FOXN2: variants seen among roughly 807,000 people sequenced by gnomAD.
FOXN2 encodes the protein forkhead box N2.
Under a neutral mutation model 41.2 loss-of-function variants are expected in FOXN2, and 19 were observed. The ratio of observed to expected loss-of-function variants is 0.46; its 90% CI spans 0.32 to 0.68. The LOEUF is 0.68. Among genes scored for constraint, FOXN2 ranks in the 30% least tolerant of loss-of-function variants. FOXN2 has a pLI of 0.03. For missense variants in FOXN2, 587 were observed against 509.4 expected (o/e 1.15, Z -1.47); for synonymous variants, 195 against 176.8 (o/e 1.10, Z -0.82).
At chr2:48,344,507 C>G (rs1381689978) in intron 2 of FOXN2, among the ~76,000 whole-genome samples, 1 of 152,186 alleles carries the variant, frequency 6.6e-6, no homozygotes, top group Non-Finnish European at 1.5e-5. Context: ...CGCTTAACCT[C>G]TCTGATTAAT....
chr2:48,334,601 C>G (rs1572713981), intron 2 of FOXN2, among the ~76,000 whole-genome samples: 1 of 152,168 alleles, frequency 6.6e-6, no homozygotes, highest in Non-Finnish European at 1.5e-5. Flanking sequence ...CATCAGTGCT[C>G]TGGCGCAAAG....
rs1355313890 is a variant in FOXN2 at position 48,374,998 on chromosome 2, T to G, written c.851T>G (p.Val284Gly). The part of the protein sequence containing the change: ...YGNAFHHPSA[V>G]RLQESDSLAT... ...AATGCATTTCATCATCCCAGTGCTG[T>G]ACGATTACAAGAGAGTGATTCTTTA... The change falls in exon 7 of 7, where the codon GTA becomes GGA. Residue 284 changes from valine (V) to glycine (G), a missense_variant. Val to Gly is a moderately radical substitution (Grantham distance 109). Coordinates refer to ENST00000340553, the MANE Select transcript of FOXN2 (RefSeq NM_002158.4). 6.2e-7 allele frequency: 1 copy of G among 1,613,892 alleles called. No homozygotes were observed. Among genetic ancestry groups the G allele is most frequent in the African/African-American group, 1.3e-5 (1 of 74,910 alleles).
Position 48,378,355 on chromosome 2 carries a change from C to T in FOXN2, c.*2912C>T. On this transcript the variant is annotated 3_prime_UTR_variant, in exon 7 of 7. Coordinates refer to ENST00000340553, the MANE Select transcript of FOXN2 (RefSeq NM_002158.4). ...GCATGACTTCTTTTAACTTGGATTC[C>T]TTTGTATATAGTAAAGTTTAGTATA... is the stretch of plus-strand genomic sequence containing the variant. The T allele has an allele frequency of 6.6e-6, 1 of 151,554 alleles. No homozygotes were observed. Among genetic ancestry groups the T allele is most frequent in the Non-Finnish European group, 1.5e-5 (1 of 67,814 alleles). The allele number at this position is 151,554 out of a possible 1,614,324, so 9.4% of individuals were successfully genotyped here.
intron 1 of FOXN2, among the ~76,000 whole-genome samples, chr2:48,326,569 C>A (rs1016785868): frequency 6.6e-6 from 1 of 152,180 alleles, no homozygotes; most frequent in Non-Finnish European, 1.5e-5. Flanking sequence ...GTGCAGAACA[C>A]ACCATAGGGG....
chr2:48,336,258 A>C (rs1670342948), intron 2 of FOXN2, among the ~76,000 whole-genome samples: 1 of 151,424 alleles, frequency 6.6e-6, no homozygotes, highest in South Asian at 2.1e-4. Context: ...ATTTTTTTAA[A>C]AAAGCCGGGT....
intron 1 of FOXN2, among the ~76,000 whole-genome samples, chr2:48,317,465 T>C (rs767681683): frequency 1.3e-5 from 2 of 151,848 alleles, no homozygotes; most frequent in African/African-American, 4.8e-5. Flanking sequence ...AAAAAATTTT[T>C]TTTTTGAAGG....
rs1281884188 is a variant in FOXN2, at chr2:48,378,600, C to T, written c.*3157C>T. The stretch of plus-strand genomic sequence containing the variant: ...ACCATTGTCTTAAATACTACAACAA[C>T]TTAACACCCTTTTGTGAAGATCACA... On this transcript the variant is annotated 3_prime_UTR_variant, in exon 7 of 7. Coordinates refer to ENST00000340553, the MANE Select transcript of FOXN2 (RefSeq NM_002158.4). The T allele has an allele frequency of 1.3e-5, 2 of 152,316 alleles. No individual in the cohort carries two copies. The highest frequency in any genetic ancestry group is 2.9e-5 in the Non-Finnish European group (2 of 67,930). The allele number at this position is 152,316 out of a possible 1,614,324, so 9.4% of individuals were successfully genotyped here.
intron 3 of FOXN2, among the ~76,000 whole-genome samples, chr2:48,352,449 A>G (rs993160429): frequency 3.3e-5 from 5 of 152,290 alleles, no homozygotes; most frequent in African/African-American, 1.2e-4. Context: ...TTCTTTTGCC[A>G]CTTGCCATTT....
chr2:48,367,826 A>C (rs62137015), intron 5 of FOXN2, among the ~76,000 whole-genome samples: 69 of 152,026 alleles, frequency 4.5e-4, no homozygotes, highest in South Asian at 1.7e-3. Context: ...CAAATTAACA[A>C]GTTTTTTAAA....
At position 48,375,359 on chromosome 2, in the gene FOXN2, G is replaced by C; in HGVS notation, c.1212G>C (p.Leu404=). ...AGCTCAAAGAGGCAGCTGGATCTCT[G>C]CTCCACCTTGCTGGAATTCGTACAT... ...DEELKEAAGS[L]LHLAGIRTCL... The change falls in exon 7 of 7, where the codon CTG becomes CTC. Residue 404 remains leucine (L), a synonymous_variant. Coordinates refer to ENST00000340553, the MANE Select transcript of FOXN2 (RefSeq NM_002158.4). 1 of 1,613,552 alleles carries C rather than the reference G, an allele frequency of 6.2e-7. No individual in the cohort carries two copies. Among genetic ancestry groups the C allele is most frequent in the Non-Finnish European group, 8.5e-7 (1 of 1,179,772 alleles).
At chr2:48,359,860 A>G (rs565757386) in intron 4 of FOXN2, among the ~76,000 whole-genome samples, 2 of 152,268 alleles carry the variant, frequency 1.3e-5, no homozygotes, top group South Asian at 4.1e-4. Flanking sequence ...GAAGGAAATT[A>G]AAAATACATT....
chr2:48,338,534 C>T (rs981258224), intron 2 of FOXN2, among the ~76,000 whole-genome samples: 4 of 151,926 alleles, frequency 2.6e-5, no homozygotes, highest in Non-Finnish European at 5.9e-5. Flanking sequence ...CCCCAGCAGC[C>T]GGGACCACAG....
intron 2 of FOXN2, among the ~76,000 whole-genome samples, chr2:48,334,104 C>A (rs918013022): frequency 6.6e-6 from 1 of 151,874 alleles, no homozygotes; most frequent in African/African-American, 2.4e-5. Flanking sequence ...GGAGCAGTGC[C>A]CCTCTCAAAT....
intron 3 of FOXN2, among the ~76,000 whole-genome samples, chr2:48,358,051 C>T (rs562448044): frequency 1.4e-4 from 22 of 152,044 alleles, no homozygotes; most frequent in Non-Finnish European, 2.6e-4. Context: ...AACTGCCTTA[C>T]ACTCAATTGC....
At chr2:48,352,501 T>C (rs1338554617) in intron 3 of FOXN2, among the ~76,000 whole-genome samples, 2 of 152,220 alleles carry the variant, frequency 1.3e-5, no homozygotes, top group African/African-American at 4.8e-5. Context: ...GTTGATTTAG[T>C]ATTTTCTTAA....
At chr2:48,344,673 ACTT>A (rs1670980302) in intron 2 of FOXN2, among the ~76,000 whole-genome samples, 1 of 152,184 alleles carries the variant, frequency 6.6e-6, no homozygotes, top group South Asian at 2.1e-4. Context: ...GAGGCTAACT[ACTT>A]CTGGTGGTAG....
chr2:48,333,376 T>C lies in FOXN2; in HGVS notation c.-15+4674T>C, dbSNP rs144760980. 7.6e-3 allele frequency among the ~76,000 whole-genome samples: 1,152 copies of C among 152,250 alleles called. 23 individuals are homozygous for C. Among genetic ancestry groups the C allele is most frequent in the African/African-American group, 0.026 (1,086 of 41,578 alleles). ...TTAAAATTCCTATATACATTTTATA[T>C]AGATTTAAATTTCTATATTTAAAAT... On this transcript the variant is annotated intron_variant, in intron 2 of 6. Transcript: ENST00000340553.
intron 5 of FOXN2, among the ~76,000 whole-genome samples, chr2:48,363,654 C>A (rs1450173551): frequency 6.6e-6 from 1 of 152,124 alleles, no homozygotes; most frequent in Admixed American, 6.6e-5. Context: ...ATTGTACCCC[C>A]TTTTTTGTTC....
chr2:48,336,555 G>T (rs1670374836), intron 2 of FOXN2, among the ~76,000 whole-genome samples: 1 of 151,424 alleles, frequency 6.6e-6, no homozygotes, highest in African/African-American at 2.4e-5. Context: ...ATAGAAATAT[G>T]TATATAATTT....
Sources: allele counts gnomAD v4.1 joint callset (sites outside exome capture counted in the v4.1 genomes callset), GRCh38; gene constraint gnomAD v4.1.1; transcripts MANE v1.5; gene names NCBI Gene and HGNC (gene_info 2026-07-23, HGNC 2026-07-21).